The following ZMYM2 variants were observed in gnomAD, a reference collection of about 807,000 sequenced individuals.
The protein encoded by ZMYM2 is zinc finger MYM-type protein 2.
ZMYM2 carries 56 observed loss-of-function variants against 162.8 expected under a neutral mutation model. That is an observed-to-expected ratio of 0.34 (90% CI 0.28 to 0.43). ZMYM2 has a LOEUF of 0.43. ZMYM2 is among the 20% of genes least tolerant of loss of function. ZMYM2 has a pLI of 1.00. For missense variants in ZMYM2, 1,275 were observed against 1,621.8 expected (o/e 0.79, Z 3.67); for synonymous variants, 510 against 541.6 (o/e 0.94, Z 0.81).
the ZMYM2 span, among the ~76,000 whole-genome samples, chr13:19,934,270 C>T: frequency 3.3e-5 from 5 of 152,266 alleles, no homozygotes; most frequent in East Asian, 5.8e-4. Flanking sequence ...AAGCAATTCT[C>T]CTGCCTCAGC....
intron 21 of ZMYM2, chr13:20,071,843 T>C (rs1566453967): frequency 5.4e-6 from 1 of 185,352 alleles, no homozygotes; most frequent in Non-Finnish European, 1.2e-5. Context: ...CAAACAGTCA[T>C]GCTGCCCTGG....
At chr13:19,866,550 A>G in the ZMYM2 span, among the ~76,000 whole-genome samples, 638 of 152,172 alleles carry the variant, frequency 4.2e-3, 2 homozygotes, top group African/African-American at 0.015. Context: ...CTGTAATTCC[A>G]GATACTCGGG....
the ZMYM2 span, among the ~76,000 whole-genome samples, chr13:19,888,311 C>A: frequency 6.6e-6 from 1 of 151,808 alleles, no homozygotes; most frequent in Non-Finnish European, 1.5e-5. Context: ...ATGTCAGCCC[C>A]CAAGTAGCTA....
At chr13:19,897,576 AAAAG>A in the ZMYM2 span, among the ~76,000 whole-genome samples, 12,571 of 151,742 alleles carry the variant, frequency 0.083, 565 homozygotes, top group Middle Eastern at 0.11. Context: ...AAGAAAAAGA[AAAAG>A]AAAGTAAAAG....
the ZMYM2 span, among the ~76,000 whole-genome samples, chr13:19,901,949 CCTGGCTAA>C: frequency 6.6e-6 from 1 of 152,012 alleles, no homozygotes; most frequent in Non-Finnish European, 1.5e-5. Flanking sequence ...CACCATTATG[CCTGGCTAA>C]CTTTAAAATT....
At chr13:20,011,931 G>A (rs1157611242) in intron 6 of ZMYM2, among the ~76,000 whole-genome samples, 1 of 151,834 alleles carries the variant, frequency 6.6e-6, no homozygotes, top group Non-Finnish European at 1.5e-5. Flanking sequence ...TGTATTTTTA[G>A]TAGAGACGGG....
chr13:19,905,964 C>T, the ZMYM2 span, among the ~76,000 whole-genome samples: 1 of 151,802 alleles, frequency 6.6e-6, no homozygotes, highest in Non-Finnish European at 1.5e-5. Flanking sequence ...ATGGCAAGAC[C>T]CCATCTCTAT....
chr13:19,864,545 C>CAGGCTCCCTTGGAGCTGG, the ZMYM2 span: 2 of 153,886 alleles, frequency 1.3e-5, no homozygotes, highest in Non-Finnish European at 2.9e-5. Context: ...GAGGGAGCTG[C>CAGGCTCCCTTGGAGCTGG]AGGCTCCCTT....
the ZMYM2 span, among the ~76,000 whole-genome samples, chr13:19,948,389 A>G: frequency 6.6e-6 from 1 of 152,238 alleles, no homozygotes; most frequent in East Asian, 1.9e-4. Flanking sequence ...GAACTGTGGT[A>G]CATCCAGGCA....
intron 9 of ZMYM2, chr13:20,027,950 C>T (rs149046000): frequency 2.2e-3 from 377 of 175,310 alleles, no homozygotes; most frequent in African/African-American, 8.7e-3. Context: ...TTAGGTGATA[C>T]GATTAGGTTT....
the ZMYM2 span, among the ~76,000 whole-genome samples, chr13:19,899,816 C>CCAAAAA: frequency 1.5e-5 from 1 of 64,988 alleles, no homozygotes; most frequent in Non-Finnish European, 2.7e-5. Flanking sequence ...GACTCTGACT[C>CCAAAAA]AAAAAAAAAA....
At position 19,980,075 on chromosome 13, in the gene ZMYM2, G is replaced by A. The variant is rs182854928; in HGVS notation, c.-10-12988G>A. Among the ~76,000 whole-genome samples, 490 of 151,506 alleles carry A rather than the reference G, an allele frequency of 3.2e-3. 16 individuals are homozygous for A. The highest frequency in any genetic ancestry group is 0.031 in the Admixed American group (476 of 15,230). Reference sequence around the variant, plus strand: ...TTAAAATTATAAAAATAAATGTTCGGTATTCTTGTAATTTATTTTTACATT... The same window carrying A: ...TTAAAATTATAAAAATAAATGTTCGATATTCTTGTAATTTATTTTTACATT... On this transcript the variant is annotated intron_variant, in intron 2 of 24. Coordinates refer to ENST00000610343, the MANE Select transcript of ZMYM2 (RefSeq NM_197968.4).
the ZMYM2 span, among the ~76,000 whole-genome samples, chr13:19,904,429 G>A: frequency 7.4e-6 from 1 of 135,668 alleles, no homozygotes; most frequent in African/African-American, 3.3e-5. Flanking sequence ...GTGGTGGCAG[G>A]CACCTGTAAT....
intron 14 of ZMYM2, among the ~76,000 whole-genome samples, chr13:20,056,581 T>C (rs1211200515): frequency 6.6e-6 from 1 of 152,132 alleles, no homozygotes; most frequent in African/African-American, 2.4e-5. Flanking sequence ...AGTCACAATA[T>C]GCATCTTCTT....
At chr13:19,975,059 T>A (rs1174452792) in intron 2 of ZMYM2, among the ~76,000 whole-genome samples, 1 of 152,110 alleles carries the variant, frequency 6.6e-6, no homozygotes, top group Non-Finnish European at 1.5e-5. Flanking sequence ...TTGTGGTTTA[T>A]CTCATTGATT....
the ZMYM2 span, among the ~76,000 whole-genome samples, chr13:19,910,044 A>C: frequency 8.9e-6 from 1 of 112,692 alleles, no homozygotes; most frequent in Non-Finnish European, 1.9e-5. Context: ...TGAAACCCCC[A>C]TCTCTAGTAA....
rs1289436604 is a variant in ZMYM2, at chr13:20,086,733, A to T, written c.*719A>T. On this transcript the variant is annotated 3_prime_UTR_variant, in exon 25 of 25. Coordinates refer to ENST00000610343, the MANE Select transcript of ZMYM2 (RefSeq NM_197968.4). ...CTGCATCACCCAATCAATAAAAAAC[A>T]AATATATATATGTATATATATGTAT... 6.3e-6 allele frequency: 1 copy of T among 158,066 alleles called. No individual in the cohort carries two copies. The highest frequency in any genetic ancestry group is 1.3e-5 in the Non-Finnish European group (1 of 75,218). 9.8% of individuals were successfully genotyped at this position (158,066 alleles called of 1,614,324 possible). A position where few individuals can be genotyped will look rare whatever the true frequency, so the allele number is the denominator to read the frequency against.
chr13:19,903,659 C>T, the ZMYM2 span, among the ~76,000 whole-genome samples: 1 of 151,422 alleles, frequency 6.6e-6, no homozygotes, highest in Non-Finnish European at 1.5e-5. Context: ...CACTTGAGCT[C>T]AGGAGTTCAA....
intron 21 of ZMYM2, among the ~76,000 whole-genome samples, chr13:20,074,509 T>G (rs1332296863): frequency 1.3e-5 from 2 of 151,402 alleles, no homozygotes; most frequent in East Asian, 3.9e-4. Context: ...GTGCTGGAAT[T>G]AACAGGCATG....
Sources: allele counts gnomAD v4.1 joint callset (sites outside exome capture counted in the v4.1 genomes callset), GRCh38; gene constraint gnomAD v4.1.1; transcripts MANE v1.5; gene names NCBI Gene and HGNC (gene_info 2026-07-23, HGNC 2026-07-21).